The following FAM53B variants were observed in gnomAD, a reference collection of about 807,000 sequenced individuals.
FAM53B encodes family with sequence similarity 53 member B, also known as protein FAM53B.
Under a neutral mutation model 32.7 loss-of-function variants are expected in FAM53B, and 12 were observed. That is an observed-to-expected ratio of 0.37 (90% CI 0.24 to 0.59). The LOEUF is 0.59. FAM53B is among the 20% of genes least tolerant of loss of function. The probability of loss-of-function intolerance (pLI) is 0.72; values close to 1 mark genes in which losing one functional copy is unlikely to be tolerated. For synonymous variants in FAM53B, 234 were observed against 228.7 expected, an observed-to-expected ratio of 1.02 and a Z score of -0.21; for missense variants, 477 against 577.7, an observed-to-expected ratio of 0.83 and a Z score of 1.79.
intron 4 of FAM53B, among the ~76,000 whole-genome samples, chr10:124,643,822 G>T (rs1010069136): frequency 3.9e-5 from 6 of 152,232 alleles, no homozygotes; most frequent in African/African-American, 1.4e-4. Flanking sequence ...GGCTCCTGGA[G>T]CGGCCAGCAG....
chr10:124,656,868 A>G (rs145613910), intron 4 of FAM53B, among the ~76,000 whole-genome samples: 1 of 151,806 alleles, frequency 6.6e-6, no homozygotes, highest in African/African-American at 2.4e-5. Context: ...GAAGGGGAAC[A>G]TCACACACCG....
chr10:124,659,731 G>A (rs749596447), intron 4 of FAM53B, among the ~76,000 whole-genome samples: 21 of 152,262 alleles, frequency 1.4e-4, no homozygotes, highest in Non-Finnish European at 1.3e-4. Context: ...CAACTTCTGA[G>A]CTGGCTGTCC....
intron 4 of FAM53B, among the ~76,000 whole-genome samples, chr10:124,647,260 G>C (rs1255046696): frequency 6.6e-6 from 1 of 152,184 alleles, no homozygotes; most frequent in Non-Finnish European, 1.5e-5. Flanking sequence ...TGGGGACTCT[G>C]AGTCTAAGTG....
chr10:124,716,978 T>C (rs1432356857), intron 1 of FAM53B, among the ~76,000 whole-genome samples: 1 of 152,148 alleles, frequency 6.6e-6, no homozygotes, highest in Non-Finnish European at 1.5e-5. Flanking sequence ...CAGTCGGACC[T>C]ATTTATAAGT....
At position 124,638,105 on chromosome 10, in the gene FAM53B, C is replaced by T. The variant is rs548046090; in HGVS notation, c.907-14501G>A. Among the ~76,000 whole-genome samples the T allele has an allele frequency of 6.6e-5, 10 of 152,316 alleles. 1 individual carries two copies. The South Asian group carries it at 2.1e-3, about 32-fold the overall frequency. On this transcript the variant is annotated intron_variant, in intron 4 of 4. Coordinates refer to ENST00000337318, the MANE Select transcript of FAM53B (RefSeq NM_014661.4). ...TAGGACCGGGCCTGGCGCCATGGCT[C>T]ACACCTGTAATCCCAGGACTTTGGG...
intron 1 of FAM53B, among the ~76,000 whole-genome samples, chr10:124,720,656 C>T (rs74830361): frequency 2.6e-5 from 4 of 152,254 alleles, no homozygotes; most frequent in East Asian, 1.9e-4. Flanking sequence ...CAAAAGCCTG[C>T]GTGGCAGGCA....
At chr10:124,647,571 C>T (rs1228229652) in intron 4 of FAM53B, among the ~76,000 whole-genome samples, 1 of 152,210 alleles carries the variant, frequency 6.6e-6, no homozygotes, top group Admixed American at 6.5e-5. Flanking sequence ...AGCAGAGATG[C>T]ATGTCACCAA....
intron 4 of FAM53B, among the ~76,000 whole-genome samples, chr10:124,666,172 C>A (rs979824648): frequency 6.6e-6 from 1 of 152,206 alleles, no homozygotes; most frequent in Non-Finnish European, 1.5e-5. Context: ...AGCTAGATGC[C>A]CTGACATTCC....
intron 4 of FAM53B, among the ~76,000 whole-genome samples, chr10:124,646,829 T>G (rs947559244): frequency 6.6e-6 from 1 of 152,224 alleles, no homozygotes; most frequent in East Asian, 1.9e-4. Flanking sequence ...GGAAAACTAC[T>G]GGCATCTCTT....
chr10:124,664,326 T>C (rs1450833314), intron 4 of FAM53B, among the ~76,000 whole-genome samples: 1 of 152,130 alleles, frequency 6.6e-6, no homozygotes, highest in Non-Finnish European at 1.5e-5. Flanking sequence ...GCATGGGAAG[T>C]GGGCAAAACC....
chr10:124,681,224 C>T (rs1286373733), intron 4 of FAM53B, among the ~76,000 whole-genome samples: 3 of 152,166 alleles, frequency 2.0e-5, no homozygotes, highest in Non-Finnish European at 4.4e-5. Flanking sequence ...GGACACTGAA[C>T]CCCAGTGTGT....
intron 2 of FAM53B, among the ~76,000 whole-genome samples, chr10:124,704,695 A>G (rs558586318): frequency 4.6e-5 from 7 of 152,314 alleles, no homozygotes; most frequent in Admixed American, 2.0e-4. Flanking sequence ...GGACAAGAAT[A>G]TATGGGGCCA....
intron 2 of FAM53B, among the ~76,000 whole-genome samples, chr10:124,698,668 ACT>A (rs1453461391): frequency 6.6e-6 from 1 of 151,276 alleles, no homozygotes. Context: ...TGGAAAACTG[ACT>A]CCTCACCACC....
intron 4 of FAM53B, among the ~76,000 whole-genome samples, chr10:124,639,799 G>A (rs1949458838): frequency 1.3e-5 from 2 of 151,968 alleles, no homozygotes; most frequent in Admixed American, 1.3e-4. Context: ...GGAGACAGAT[G>A]CCTGGGGCGG....
chr10:124,699,965 T>A (rs1949904179), intron 2 of FAM53B, among the ~76,000 whole-genome samples: 2 of 152,086 alleles, frequency 1.3e-5, no homozygotes, highest in African/African-American at 4.8e-5. Context: ...TCTTTCGGGG[T>A]GAGTTAGCTG....
rs1438033842 is a variant in FAM53B at position 124,733,787 on chromosome 10, G to A, written c.-175+10226C>T. On this transcript the variant is annotated intron_variant, in intron 1 of 4. Transcript: ENST00000337318. The surrounding 1 kb of genome is among the most constrained non-coding windows in gnomAD (Gnocchi z 4.3). ...GGTCACTCCAAGGTCAAAAGGCTGG[G>A]CCCCTGGGCAGTGTCACCCCGAAGG... is the stretch of plus-strand genomic sequence containing the variant. Among the ~76,000 whole-genome samples the A allele has an allele frequency of 6.6e-6, 1 of 152,192 alleles. No individual in the cohort carries two copies. The highest frequency in any genetic ancestry group is 6.5e-5 in the Admixed American group (1 of 15,282).
At chr10:124,646,837 C>T (rs1276985594) in intron 4 of FAM53B, among the ~76,000 whole-genome samples, 1 of 152,246 alleles carries the variant, frequency 6.6e-6, no homozygotes, top group Non-Finnish European at 1.5e-5. Flanking sequence ...ACTGGCATCT[C>T]TTGCCCACTG....
chr10:124,655,146 T>C (rs921337421), intron 4 of FAM53B, among the ~76,000 whole-genome samples: 5 of 152,180 alleles, frequency 3.3e-5, no homozygotes, highest in South Asian at 4.2e-4. Flanking sequence ...TCACTCCACA[T>C]TGGACACTCT....
chr10:124,727,057 C>A (rs1425733504), intron 1 of FAM53B, among the ~76,000 whole-genome samples: 2 of 152,178 alleles, frequency 1.3e-5, no homozygotes, highest in African/African-American at 4.8e-5. Flanking sequence ...CTCACTCTGT[C>A]ACCCAGGCTG....
Sources: allele counts gnomAD v4.1 joint callset (sites outside exome capture counted in the v4.1 genomes callset), GRCh38; gene constraint gnomAD v4.1.1; non-coding constraint Gnocchi (gnomAD v3.1); transcripts MANE v1.5; gene names NCBI Gene and HGNC (gene_info 2026-07-23, HGNC 2026-07-21).